Variants in UGGT2 observed in about 807,000 individuals in gnomAD.
UGGT2 encodes UDP-glucose:glycoprotein glucosyltransferase 2.
UGGT2 carries 180 observed loss-of-function variants against 192.1 expected under a neutral mutation model. The ratio of observed to expected loss-of-function variants is 0.94; its 90% CI spans 0.83 to 1.06. The LOEUF is 1.06. UGGT2 is among the 50% of genes least tolerant of loss of function. The pLI, the probability that UGGT2 is intolerant of heterozygous loss-of-function variation, is 0.00. For missense variants in UGGT2, 1,849 were observed against 1,795.7 expected, an observed-to-expected ratio of 1.03 and a Z score of -0.54; for synonymous variants, 580 against 591.0, an observed-to-expected ratio of 0.98 and a Z score of 0.27.
At chr13:95,947,902 G>A (rs185392683) in intron 14 of UGGT2, 94 bp downstream of exon 14, 17 of 984,134 alleles carry the variant, frequency 1.7e-5, no homozygotes, top group Middle Eastern at 4.6e-4. Context: ...GCTAACCATC[G>A]CTTTGAATGC....
At chr13:95,980,311 G>C (rs1191668961) in intron 10 of UGGT2, among the ~76,000 whole-genome samples, 1 of 152,184 alleles carries the variant, frequency 6.6e-6, no homozygotes, top group Non-Finnish European at 1.5e-5. Flanking sequence ...GTGCAACCTG[G>C]ATGGAATCGA....
chr13:95,947,264 G>A (rs2049903362), intron 14 of UGGT2, 92 bp from the exon 15 acceptor site: 2 of 1,241,930 alleles, frequency 1.6e-6, no homozygotes, highest in Non-Finnish European at 2.2e-6. Flanking sequence ...ACAATATCTA[G>A]ATGGAGAGAA....
chr13:95,803,269 AT>A (rs1287386760), intron 38 of UGGT2, among the ~76,000 whole-genome samples: 1 of 151,610 alleles, frequency 6.6e-6, no homozygotes, highest in Non-Finnish European at 1.5e-5. Flanking sequence ...TTATTTATTT[AT>A]TTTTTTGGAG....
chr13:95,966,554 CTT>C (rs576347225), intron 12 of UGGT2, among the ~76,000 whole-genome samples: 1 of 152,072 alleles, frequency 6.6e-6, no homozygotes, highest in Non-Finnish European at 1.5e-5. Flanking sequence ...GAAAAAAAGA[CTT>C]AAAATGTTCC....
chr13:96,040,743 G>C (rs2053141575), intron 1 of UGGT2, among the ~76,000 whole-genome samples: 1 of 152,158 alleles, frequency 6.6e-6, no homozygotes, highest in South Asian at 2.1e-4. Flanking sequence ...GGGACAATTT[G>C]TACAAGTGAT....
chr13:95,978,061 T>C (rs1018507061), intron 10 of UGGT2, among the ~76,000 whole-genome samples: 4 of 151,922 alleles, frequency 2.6e-5, no homozygotes, highest in East Asian at 3.9e-4. Flanking sequence ...TTAGGACAAA[T>C]ACCTAAAGTA....
chr13:95,863,875 T>C (rs1890392494), intron 30 of UGGT2, among the ~76,000 whole-genome samples, 161 bp from the exon 31 acceptor site: 1 of 152,184 alleles, frequency 6.6e-6, no homozygotes, highest in Admixed American at 6.5e-5. Context: ...TTGTAAACAA[T>C]CTGGTCTTTA....
At chr13:95,904,098 T>A (rs978026862) in intron 20 of UGGT2, among the ~76,000 whole-genome samples, 1 of 152,104 alleles carries the variant, frequency 6.6e-6, no homozygotes, top group African/African-American at 2.4e-5. Flanking sequence ...GGGCTTTTTT[T>A]GGTTATATGT....
rs141625656 is a variant in UGGT2, at chr13:95,801,955, A to C, written c.4529-143T>G. ...TCAGTACCTATATGCTTCATTACGC[A>C]ACACGAGAATAGCTCTTTGTACACT... On this transcript the variant is annotated intron_variant, in intron 38 of 38. Transcript: ENST00000376747. 2.2e-4 allele frequency: 184 copies of C among 845,472 alleles called. No homozygotes were observed. In the African/African-American group the frequency reaches 3.0e-3, roughly 14 times the overall value. 52.4% of individuals were successfully genotyped at this position (845,472 alleles called of 1,614,324 possible).
intron 13 of UGGT2, 137 bp from the exon 14 acceptor site, chr13:95,948,218 TACACACACAC>T (rs149949392): frequency 1.4e-4 from 46 of 317,592 alleles, no homozygotes; most frequent in Middle Eastern, 1.0e-3. Flanking sequence ...TTCTAAGGAA[TACACACACAC>T]ACACACACAC....
intron 6 of UGGT2, among the ~76,000 whole-genome samples, chr13:95,998,377 T>C (rs1277746676): frequency 2.6e-5 from 4 of 152,232 alleles, no homozygotes; most frequent in Non-Finnish European, 5.9e-5. Context: ...ATTTTTACTA[T>C]ACTTTTTCAG....
At chr13:95,941,553 GAATAAAGC>G (rs1175578654) in intron 15 of UGGT2, among the ~76,000 whole-genome samples, 1 of 152,066 alleles carries the variant, frequency 6.6e-6, no homozygotes, top group Non-Finnish European at 1.5e-5. Context: ...ATGAGACTCT[GAATAAAGC>G]AAAAGATAAA....
At chr13:95,925,879 T>C (rs2049000594) in intron 19 of UGGT2, 105 bp from the exon 20 acceptor site, 2 of 699,430 alleles carry the variant, frequency 2.9e-6, no homozygotes, top group Non-Finnish European at 4.3e-6. Context: ...TAAAATAATA[T>C]TTCTGAAAAG....
At chr13:95,918,808 G>T (rs1177215084) in intron 20 of UGGT2, among the ~76,000 whole-genome samples, 1 of 152,060 alleles carries the variant, frequency 6.6e-6, no homozygotes, top group Admixed American at 6.6e-5. Flanking sequence ...ATGAAGAGCT[G>T]GTATCATTTC....
intron 5 of UGGT2, among the ~76,000 whole-genome samples, chr13:96,002,986 C>A (rs1047118515): frequency 6.6e-6 from 1 of 152,162 alleles, no homozygotes; most frequent in African/African-American, 2.4e-5. Flanking sequence ...GTATAAAACC[C>A]AGGGCAGAGC....
intron 12 of UGGT2, among the ~76,000 whole-genome samples, chr13:95,958,010 T>C (rs1852026834): frequency 6.6e-6 from 1 of 152,222 alleles, no homozygotes; most frequent in South Asian, 2.1e-4. Flanking sequence ...CAAACATCTA[T>C]ATAACAAGTC....
chr13:96,011,391 A>G (rs868736552), intron 5 of UGGT2, among the ~76,000 whole-genome samples: 4 of 152,054 alleles, frequency 2.6e-5, no homozygotes, highest in Non-Finnish European at 2.9e-5. Context: ...ACTAAACAAA[A>G]AAAGTTCACC....
intron 12 of UGGT2, among the ~76,000 whole-genome samples, chr13:95,963,104 G>A (rs1432260073): frequency 6.6e-6 from 1 of 151,976 alleles, no homozygotes; most frequent in Non-Finnish European, 1.5e-5. Context: ...AAATTTGGGT[G>A]GGGACACAGC....
At chr13:95,919,097 T>C (rs913015546) in intron 20 of UGGT2, among the ~76,000 whole-genome samples, 1 of 152,152 alleles carries the variant, frequency 6.6e-6, no homozygotes, top group Non-Finnish European at 1.5e-5. Flanking sequence ...ATTCATCACA[T>C]AAACAGAACT....
Sources: allele counts gnomAD v4.1 joint callset (sites outside exome capture counted in the v4.1 genomes callset), GRCh38; gene constraint gnomAD v4.1.1; transcripts MANE v1.5; gene names NCBI Gene and HGNC (gene_info 2026-07-23, HGNC 2026-07-21).